UBE2F: variants seen among roughly 807,000 people sequenced by gnomAD.
The protein encoded by UBE2F is ubiquitin conjugating enzyme E2 F (putative), also known as NEDD8-conjugating enzyme UBE2F.
Under a neutral mutation model 29.6 loss-of-function variants are expected in UBE2F, and 5 were observed. The observed-to-expected ratio is 0.17, with a 90% CI of 0.09 to 0.36. The LOEUF is 0.36. Ranked by LOEUF, UBE2F falls within the 10% of genes least tolerant of loss-of-function variation. UBE2F has a pLI of 1.00. For missense variants in UBE2F, 141 were observed against 228.5 expected, an observed-to-expected ratio of 0.62 and a Z score of 2.47; for synonymous variants, 66 against 81.8, an observed-to-expected ratio of 0.81 and a Z score of 1.04.
In UBE2F at chr2:237,994,827, G is replaced by C. The variant is rs1400417843; in HGVS notation, c.214+18G>C. 2 of 1,605,568 alleles carry C rather than the reference G, an allele frequency of 1.2e-6. No homozygotes were observed. Among genetic ancestry groups the C allele is most frequent in the East Asian group, 2.2e-5 (1 of 44,824 alleles). ...AACCCCAGGTAATATTCTTACATAA[G>C]TATTAAAGTGATTTCAAACAGCGAA... On this transcript the variant is annotated intron_variant, in intron 4 of 9. Transcript: ENST00000272930.
chr2:237,968,500 C>T (rs1286321503), intron 1 of UBE2F, among the ~76,000 whole-genome samples: 1 of 152,140 alleles, frequency 6.6e-6, no homozygotes, highest in Non-Finnish European at 1.5e-5. Context: ...CCCGCAGTCC[C>T]ATCCTTTATG....
At chr2:238,002,543 T>C (rs531150915) in intron 4 of UBE2F, among the ~76,000 whole-genome samples, 1 of 151,772 alleles carries the variant, frequency 6.6e-6, no homozygotes, top group South Asian at 2.1e-4. Flanking sequence ...GGCCGGAATA[T>C]TCCAATTTTT....
At chr2:238,041,016 G>A (rs1330747459) in intron 9 of UBE2F, among the ~76,000 whole-genome samples, 2 of 152,166 alleles carry the variant, frequency 1.3e-5, no homozygotes, top group East Asian at 3.9e-4. Context: ...TCTGGAAAAT[G>A]AGAAGGGATA....
intron 4 of UBE2F, among the ~76,000 whole-genome samples, chr2:238,002,586 C>G (rs2063818552): frequency 6.6e-6 from 1 of 151,630 alleles, no homozygotes; most frequent in Non-Finnish European, 1.5e-5. Context: ...AACCTGAAAC[C>G]TGAGATGGTT....
Position 237,967,909 on chromosome 2 carries a change from C to G in UBE2F, c.-17+777C>G, listed in dbSNP as rs1318758532. ...GTCACAGGAGAGAATTGGGTCCCCC[C>G]ACTCTGCATTCCCGACCGCCTGGAA... On this transcript the variant is annotated intron_variant, in intron 1 of 9. Coordinates refer to ENST00000272930, the MANE Select transcript of UBE2F (RefSeq NM_080678.3). The surrounding 1 kb of genome is among the most constrained non-coding windows in gnomAD (Gnocchi z 6.3). Among the ~76,000 whole-genome samples, 1 of 152,164 alleles carries G rather than the reference C, an allele frequency of 6.6e-6. No homozygotes were observed. The highest frequency in any genetic ancestry group is 1.5e-5 in the Non-Finnish European group (1 of 68,030).
At chr2:238,027,091 T>A (rs1246173797) in intron 6 of UBE2F, among the ~76,000 whole-genome samples, 2 of 152,164 alleles carry the variant, frequency 1.3e-5, no homozygotes, top group African/African-American at 4.8e-5. Flanking sequence ...AGCTCTCTTG[T>A]CCCTTTTGCC....
At chr2:237,974,058 A>G (rs184545937) in intron 2 of UBE2F, among the ~76,000 whole-genome samples, 4 of 152,228 alleles carry the variant, frequency 2.6e-5, no homozygotes, top group Admixed American at 6.5e-5. Flanking sequence ...CGGTGGCACA[A>G]TCTTGGCTCA....
In UBE2F at chr2:237,967,176, C is replaced by A; in HGVS notation, c.-17+44C>A. On this transcript the variant is annotated intron_variant, in intron 1 of 9. Transcript: ENST00000272930. The surrounding 1 kb of genome is among the most constrained non-coding windows in gnomAD (Gnocchi z 6.3). Reference sequence around the variant, plus strand: ...GCTCTGCGGCGGGGCGAGGTGCGGCCGCCGGTGCACGGGCTGGCCTGCGGG... The same window carrying A: ...GCTCTGCGGCGGGGCGAGGTGCGGCAGCCGGTGCACGGGCTGGCCTGCGGG... The A allele has an allele frequency of 9.7e-6, 11 of 1,138,440 alleles. No homozygotes were observed. The highest frequency in any genetic ancestry group is 4.0e-5 in the South Asian group (1 of 25,288). 70.5% of individuals were successfully genotyped at this position (1,138,440 alleles called of 1,614,324 possible).
At chr2:237,997,328 T>C (rs1000616452) in intron 4 of UBE2F, among the ~76,000 whole-genome samples, 2 of 152,268 alleles carry the variant, frequency 1.3e-5, no homozygotes, top group African/African-American at 4.8e-5. Flanking sequence ...GACATTAACA[T>C]TGAGCTGTGC....
At chr2:238,001,629 A>C (rs1441262547) in intron 4 of UBE2F, among the ~76,000 whole-genome samples, 2 of 151,990 alleles carry the variant, frequency 1.3e-5, no homozygotes, top group Non-Finnish European at 2.9e-5. Context: ...CATCCTTGCT[A>C]ACATGGTGAA....
At chr2:238,008,436 C>T (rs1042256084) in intron 4 of UBE2F, among the ~76,000 whole-genome samples, 3 of 152,174 alleles carry the variant, frequency 2.0e-5, no homozygotes, top group African/African-American at 7.2e-5. Flanking sequence ...CTCATATCAT[C>T]TGCATTTTTC....
intron 4 of UBE2F, among the ~76,000 whole-genome samples, chr2:238,004,325 T>A (rs1409612885): frequency 6.6e-6 from 1 of 152,206 alleles, no homozygotes; most frequent in Non-Finnish European, 1.5e-5. Flanking sequence ...TTAATTGTGG[T>A]ATTAATTTGC....
intron 1 of UBE2F, among the ~76,000 whole-genome samples, chr2:237,971,002 C>A (rs1014182396): frequency 3.7e-4 from 56 of 152,236 alleles, no homozygotes; most frequent in African/African-American, 1.3e-3. Flanking sequence ...CATGAGCCAC[C>A]ATGCCTGGCC....
chr2:237,973,189 C>T lies in UBE2F; in HGVS notation c.82C>T (p.Arg28Trp), dbSNP rs759828162. The T allele has an allele frequency of 1.2e-5, 20 of 1,613,938 alleles. No individual in the cohort carries two copies. Among genetic ancestry groups the T allele is most frequent in the Admixed American group, 8.3e-5 (5 of 60,014 alleles). The change falls in exon 2 of 10, where the codon CGG becomes TGG. Residue 28 changes from arginine to tryptophan, a missense_variant. Transcript: ENST00000272930. ...RTAATASDST[R>W]RVSVRDKLLV... ...GGCAGCCACAGCGTCCGACTCGACT[C>T]GGAGGGTTTCTGTGAGAGACAAATT...
chr2:238,003,191 G>GT (rs34307842), intron 4 of UBE2F, among the ~76,000 whole-genome samples: 16,763 of 146,808 alleles, frequency 0.11, 1,027 homozygotes, highest in East Asian at 0.2. Context: ...AAGAAGCACA[G>GT]TTTTTTTTTT....
intron 3 of UBE2F, among the ~76,000 whole-genome samples, chr2:237,993,276 A>G (rs1016163757): frequency 2.6e-5 from 4 of 152,196 alleles, no homozygotes; most frequent in Non-Finnish European, 4.4e-5. Context: ...ATGATCCACC[A>G]TGCCTGGCCA....
At chr2:238,015,370 A>T (rs914278281) in intron 4 of UBE2F, among the ~76,000 whole-genome samples, 1 of 152,242 alleles carries the variant, frequency 6.6e-6, no homozygotes, top group African/African-American at 2.4e-5. Flanking sequence ...GGAGAGTTTC[A>T]GAACATTGAT....
rs988906901 is a variant in UBE2F, at chr2:238,040,706, C to T, written c.508-582C>T. Among the ~76,000 whole-genome samples the T allele has an allele frequency of 6.6e-6, 1 of 152,156 alleles. No individual in the cohort carries two copies. The highest frequency in any genetic ancestry group is 2.4e-5 in the African/African-American group (1 of 41,430). On this transcript the variant is annotated intron_variant, in intron 9 of 9. Coordinates refer to ENST00000272930, the MANE Select transcript of UBE2F (RefSeq NM_080678.3). This position sits in a 1 kb window ranked among gnomAD's most constrained non-coding sequence, Gnocchi z 4.4. ...TGGCCTGGGGTGATTCCTAGGTCCA[C>T]ACCGCCTTTGGTCACTGTCCACCTT...
intron 4 of UBE2F, among the ~76,000 whole-genome samples, chr2:238,015,553 CAT>C (rs2064132657): frequency 6.6e-6 from 1 of 151,478 alleles, no homozygotes; most frequent in Admixed American, 6.6e-5. Flanking sequence ...TACTAGATGA[CAT>C]AAATGTTGAT....
Sources: gnomAD v4.1 joint callset for allele counts (sites outside exome capture counted in the v4.1 genomes callset) on GRCh38, gnomAD v4.1.1 for gene constraint, Gnocchi (gnomAD v3.1) non-coding constraint, MANE v1.5 for transcripts, NCBI Gene and HGNC (gene_info 2026-07-23, HGNC 2026-07-21) for gene names.